The following PTBP2 variants were observed in gnomAD, a reference collection of about 807,000 sequenced individuals.
The protein encoded by PTBP2 is polypyrimidine tract binding protein 2, also known as polypyrimidine tract-binding protein 2.
In PTBP2, 13 loss-of-function variants were observed where a neutral mutation model predicts 61.4. That is an observed-to-expected ratio of 0.21 (90% CI 0.14 to 0.34). PTBP2 has a LOEUF of 0.34. Among genes scored for constraint, PTBP2 ranks in the 10% least tolerant of loss-of-function variants. The pLI, the probability that PTBP2 is intolerant of heterozygous loss-of-function variation, is 1.00. For synonymous variants in PTBP2, 215 were observed against 218.5 expected (o/e 0.98, Z 0.14); for missense variants, 405 against 642.6 (o/e 0.63, Z 4.00).
At chr1:96,813,002 C>T (rs1429300958) in intron 12 of PTBP2, 27 bp from the exon 13 acceptor site, 20 of 1,600,742 alleles carry the variant, frequency 1.2e-5, no homozygotes, top group Non-Finnish European at 1.6e-5. Flanking sequence ...TTAATCTTCA[C>T]TTTTTCTTCC....
In PTBP2 at chr1:96,757,995, A is replaced by G. The variant is rs569005280; in HGVS notation, c.115+6495A>G. On this transcript the variant is annotated intron_variant, in intron 3 of 13. Coordinates refer to ENST00000674951, the MANE Select transcript of PTBP2 (RefSeq NM_021190.4). ...AGACTGACCAAGGAAAAAGACATAA[A>G]TTACCAATACTGGAAATCAAGGTCG... is the stretch of plus-strand genomic sequence containing the variant. Among the ~76,000 whole-genome samples, 3 of 152,192 alleles carry G rather than the reference A, an allele frequency of 2.0e-5. No homozygotes were observed. The South Asian group carries it at 6.2e-4, about 31-fold the overall frequency.
intron 1 of PTBP2, among the ~76,000 whole-genome samples, 170 bp from the exon 2 acceptor site, chr1:96,723,394 G>T (rs1649910351): frequency 6.6e-6 from 1 of 152,170 alleles, no homozygotes; most frequent in African/African-American, 2.4e-5. Context: ...AAACCAGGTT[G>T]GTAACAGTAC....
At chr1:96,777,967 G>A in intron 7 of PTBP2, 21 bp downstream of exon 7, 7 of 1,393,008 alleles carry the variant, frequency 5.0e-6, no homozygotes, top group South Asian at 2.8e-5. Flanking sequence ...CTTTTGAGAT[G>A]GTGATTTTTT....
intron 5 of PTBP2, chr1:96,771,108 T>G (rs1410833212): frequency 6.9e-6 from 2 of 287,986 alleles, no homozygotes; most frequent in Non-Finnish European, 1.3e-5. Context: ...GTAGGATTTA[T>G]TATTAGCATA....
chr1:96,772,943 A>C (rs963383078), intron 5 of PTBP2, among the ~76,000 whole-genome samples: 1 of 148,178 alleles, frequency 6.7e-6, no homozygotes, highest in African/African-American at 2.5e-5. Flanking sequence ...TGAAACCCTG[A>C]GTCTACTAAA....
At chr1:96,742,037 G>A (rs894159992) in intron 2 of PTBP2, among the ~76,000 whole-genome samples, 1 of 152,114 alleles carries the variant, frequency 6.6e-6, no homozygotes, top group African/African-American at 2.4e-5. Context: ...TTGTCTTGGT[G>A]TTTTCTTCAC....
At chr1:96,780,924 A>G (rs886552016) in intron 7 of PTBP2, among the ~76,000 whole-genome samples, 6 of 151,992 alleles carry the variant, frequency 3.9e-5, no homozygotes, top group South Asian at 2.1e-4. Flanking sequence ...TTTCCTTCCA[A>G]CCTGTCATCA....
At chr1:96,743,492 C>A (rs950088758) in intron 2 of PTBP2, among the ~76,000 whole-genome samples, 2 of 152,096 alleles carry the variant, frequency 1.3e-5, no homozygotes, top group Non-Finnish European at 2.9e-5. Context: ...CATCCTTTCA[C>A]CTAATAGTTT....
At chr1:96,723,474 A>G (rs1157650862) in intron 1 of PTBP2, 90 bp from the exon 2 acceptor site, 3 of 1,071,430 alleles carry the variant, frequency 2.8e-6, no homozygotes, top group Non-Finnish European at 4.1e-6. Context: ...AGATTTATGA[A>G]TGATGGACTA....
intron 11 of PTBP2, among the ~76,000 whole-genome samples, chr1:96,807,992 G>GT (rs1661664636): frequency 6.6e-6 from 1 of 152,116 alleles, no homozygotes; most frequent in Admixed American, 6.5e-5. Flanking sequence ...CATATATGTT[G>GT]TAAGTAGCAC....
chr1:96,819,831 A>C (rs1326868229), downstream of PTBP2: 1 of 151,684 alleles, frequency 6.6e-6, no homozygotes, highest in Non-Finnish European at 1.5e-5. Context: ...TGGTATATTC[A>C]ACTATGGTGG....
At chr1:96,769,624 TA>T in intron 3 of PTBP2, 78 bp from the exon 4 acceptor site, 6 of 1,067,348 alleles carry the variant, frequency 5.6e-6, no homozygotes, top group Non-Finnish European at 7.6e-6. Context: ...TGGAAATTTG[TA>T]GTTTTTTTAC....
chr1:96,769,198 C>A (rs1321265517), intron 3 of PTBP2, among the ~76,000 whole-genome samples: 1 of 151,930 alleles, frequency 6.6e-6, no homozygotes. Context: ...CCTTTTGCTC[C>A]TAGGCAACAA....
At chr1:96,740,736 T>TATA (rs1406847468) in intron 2 of PTBP2, among the ~76,000 whole-genome samples, 4 of 152,112 alleles carry the variant, frequency 2.6e-5, no homozygotes, top group Non-Finnish European at 5.9e-5. Flanking sequence ...TATCATGCTG[T>TATA]ATGTATTCTG....
intron 2 of PTBP2, among the ~76,000 whole-genome samples, chr1:96,737,617 CT>C (rs1463326269): frequency 6.6e-6 from 1 of 151,950 alleles, no homozygotes; most frequent in Admixed American, 6.6e-5. Flanking sequence ...ACTTTTAAAG[CT>C]ACAAAAACAA....
chr1:96,811,099 C>A (rs889890914), intron 11 of PTBP2, among the ~76,000 whole-genome samples: 10 of 151,050 alleles, frequency 6.6e-5, no homozygotes, highest in Non-Finnish European at 8.8e-5. Flanking sequence ...GAAGTAAGTT[C>A]AATGGCTAGT....
At chr1:96,762,945 GGCGGGGCA>G (rs1421944729) in intron 3 of PTBP2, among the ~76,000 whole-genome samples, 2 of 151,596 alleles carry the variant, frequency 1.3e-5, no homozygotes, top group Non-Finnish European at 2.9e-5. Flanking sequence ...CAGACGGGGC[GGCGGGGCA>G]GCGGCGCTCC....
rs747721862 is a variant in PTBP2, at chr1:96,770,784, G to A, written c.365G>A (p.Arg122His). The A allele has an allele frequency of 1.4e-5, 22 of 1,596,244 alleles. 1 individual carries two copies. The South Asian group carries it at 1.5e-4, about 11-fold the overall frequency. Reference sequence around the variant, plus strand: ...TATTCTGCTGTGACACCTCATCTTCGTAACCAACCAATATATATCCAGTAC... The same window carrying A: ...TATTCTGCTGTGACACCTCATCTTCATAACCAACCAATATATATCCAGTAC... ...NYYSAVTPHLRNQPIYIQYSN... is the reference protein window; with the variant it reads ...NYYSAVTPHLHNQPIYIQYSN... The change falls in exon 5 of 14, where the codon CGT becomes CAT. Residue 122 changes from arginine to histidine, a missense_variant. By Grantham distance (29) the Arg-to-His change is conservative. Transcript: ENST00000674951.
chr1:96,733,209 GA>G (rs1288245287), intron 2 of PTBP2, among the ~76,000 whole-genome samples: 1 of 147,274 alleles, frequency 6.8e-6, no homozygotes, highest in Non-Finnish European at 1.5e-5. Context: ...CATCTTCAAA[GA>G]AGGAATGGCA....
Sources: gnomAD v4.1 joint callset for allele counts (sites outside exome capture counted in the v4.1 genomes callset) on GRCh38, gnomAD v4.1.1 for gene constraint, MANE v1.5 for transcripts, NCBI Gene and HGNC (gene_info 2026-07-23, HGNC 2026-07-21) for gene names.